The following CDH13 variants were observed in gnomAD, a reference collection of about 807,000 sequenced individuals.
The protein encoded by CDH13 is cadherin 13, also known as cadherin-13.
A neutral mutation model predicts 63.8 loss-of-function variants in CDH13; 24 were observed. The ratio of observed to expected loss-of-function variants is 0.38; its 90% CI spans 0.27 to 0.53. CDH13 has a LOEUF of 0.53. CDH13 is among the 20% of genes least tolerant of loss of function. CDH13 has a pLI of 0.85. For missense variants in CDH13, 1,049 were observed against 903.1 expected (o/e 1.16, Z -2.07); for synonymous variants, 503 against 355.3 (o/e 1.42, Z -4.67).
chr16:83,789,902 C>T (rs1916147370), intron 13 of CDH13: 1 of 152,126 alleles, frequency 6.6e-6, no homozygotes, highest in East Asian at 1.9e-4. Context: ...CAGTAGCTGC[C>T]ACCGAGACCA....
chr16:82,848,466 G>T (rs1314401782), intron 1 of CDH13, among the ~76,000 whole-genome samples: 1 of 152,076 alleles, frequency 6.6e-6, no homozygotes, highest in South Asian at 2.1e-4. Context: ...TTGTGTCTCT[G>T]TCTCATGTTT....
At chr16:83,292,950 C>T (rs552086433) in intron 5 of CDH13, among the ~76,000 whole-genome samples, 1 of 152,200 alleles carries the variant, frequency 6.6e-6, no homozygotes, top group Non-Finnish European at 1.5e-5. Flanking sequence ...ATACTCGATT[C>T]CATGGTTTCT....
chr16:83,523,000 C>T (rs1267803709), intron 7 of CDH13, among the ~76,000 whole-genome samples: 2 of 152,226 alleles, frequency 1.3e-5, no homozygotes, highest in African/African-American at 4.8e-5. Context: ...ATGTCCTCAC[C>T]TGGCTGAATT....
chr16:82,848,536 G>A (rs2039356390), intron 1 of CDH13, among the ~76,000 whole-genome samples: 1 of 150,052 alleles, frequency 6.7e-6, no homozygotes, highest in Non-Finnish European at 1.5e-5. Flanking sequence ...TTTTGGTGAT[G>A]TCTGATCAGT....
intron 4 of CDH13, among the ~76,000 whole-genome samples, chr16:83,164,603 C>G (rs1032242147): frequency 4.9e-4 from 74 of 151,878 alleles, no homozygotes; most frequent in African/African-American, 1.7e-3. Context: ...GCCTGCAATC[C>G]CAGCTACTCA....
intron 4 of CDH13, among the ~76,000 whole-genome samples, chr16:83,169,598 C>G (rs1266379816): frequency 6.6e-6 from 1 of 151,662 alleles, no homozygotes; most frequent in African/African-American, 2.4e-5. Context: ...GAAGCAGCTG[C>G]CTGTTCAAGC....
chr16:83,795,494 T>C lies in CDH13; in HGVS notation c.*464T>C, dbSNP rs900525635. 1 of 160,690 alleles carries C rather than the reference T, an allele frequency of 6.2e-6. No homozygotes were observed. Among genetic ancestry groups the C allele is most frequent in the African/African-American group, 2.4e-5 (1 of 41,448 alleles). 10.0% of individuals were successfully genotyped at this position (160,690 alleles called of 1,614,324 possible). The stretch of plus-strand genomic sequence containing the variant: ...TCCTTGCAAGGTTAAGCAAGGTGGG[T>C]GGAAACTAAGACACCTGAACCCTCC... On this transcript the variant is annotated 3_prime_UTR_variant, in exon 14 of 14. Transcript: ENST00000567109.
At chr16:82,912,413 A>G (rs1399060520) in intron 2 of CDH13, among the ~76,000 whole-genome samples, 2 of 152,172 alleles carry the variant, frequency 1.3e-5, no homozygotes, top group African/African-American at 4.8e-5. Context: ...TAATCATGAC[A>G]TAAATGTAGG....
intron 3 of CDH13, among the ~76,000 whole-genome samples, chr16:83,037,679 A>G (rs2151482967): frequency 6.6e-6 from 1 of 152,266 alleles, no homozygotes; most frequent in Non-Finnish European, 1.5e-5. Flanking sequence ...GTCAATGGAC[A>G]ATGTGGGACT....
chr16:83,678,114 C>T (rs1032741828), intron 9 of CDH13, 94 bp from the exon 10 acceptor site: 4 of 1,342,574 alleles, frequency 3.0e-6, no homozygotes, highest in South Asian at 1.4e-5. Flanking sequence ...CCTGAAGGCC[C>T]ACTGTTGCTC....
intron 5 of CDH13, among the ~76,000 whole-genome samples, chr16:83,293,268 T>G (rs1055992374): frequency 6.6e-6 from 1 of 152,218 alleles, no homozygotes; most frequent in Admixed American, 6.5e-5. Context: ...TTATTTTTAA[T>G]AGTAAGCATT....
At chr16:82,988,681 G>T (rs1911265257) in intron 2 of CDH13, among the ~76,000 whole-genome samples, 1 of 151,386 alleles carries the variant, frequency 6.6e-6, no homozygotes, top group Non-Finnish European at 1.5e-5. Flanking sequence ...AGAATTGCTT[G>T]AACCCGGCTG....
At chr16:82,889,186 A>C (rs944279797) in intron 2 of CDH13, among the ~76,000 whole-genome samples, 2 of 152,142 alleles carry the variant, frequency 1.3e-5, no homozygotes, top group Non-Finnish European at 2.9e-5. Flanking sequence ...TACCCCCTTG[A>C]ATGTTTTAAA....
At chr16:83,707,855 A>AAAAAAAAAAAAAAAAAAAAC (rs1567535306) in intron 10 of CDH13, among the ~76,000 whole-genome samples, 1 of 147,364 alleles carries the variant, frequency 6.8e-6, no homozygotes, top group Non-Finnish European at 1.5e-5. Context: ...AAAAAAAAAA[A>AAAAAAAAAAAAAAAAAAAAC]AAAGAGCTGG....
chr16:82,791,879 G>C (rs971602277), intron 1 of CDH13, among the ~76,000 whole-genome samples: 1 of 152,178 alleles, frequency 6.6e-6, no homozygotes, highest in Non-Finnish European at 1.5e-5. Flanking sequence ...TGGAATTCAT[G>C]AGGCCAAGAT....
chr16:83,653,543 A>G (rs921108351), intron 8 of CDH13, among the ~76,000 whole-genome samples: 5 of 152,168 alleles, frequency 3.3e-5, no homozygotes, highest in African/African-American at 1.2e-4. Context: ...TAAAATATAT[A>G]GAGCTCCTAG....
intron 2 of CDH13, among the ~76,000 whole-genome samples, chr16:82,984,600 A>G (rs958352011): frequency 2.0e-5 from 3 of 152,168 alleles, no homozygotes; most frequent in Admixed American, 6.5e-5. Context: ...ATTTCAACTC[A>G]TGTATTAGCT....
chr16:82,946,423 C>A (rs990954754), intron 2 of CDH13, among the ~76,000 whole-genome samples: 2 of 152,088 alleles, frequency 1.3e-5, no homozygotes, highest in Admixed American at 1.3e-4. Context: ...TAAAATTAAG[C>A]TTAATCTTCA....
At chr16:82,672,784 CACACACACACACACACAT>C (rs1315774032) in intron 1 of CDH13, among the ~76,000 whole-genome samples, 9 of 149,018 alleles carry the variant, frequency 6.0e-5, no homozygotes, top group African/African-American at 2.5e-5. Flanking sequence ...CACACACACA[CACACACACACACACACAT>C]ACACACACAC....
Sources: allele counts gnomAD v4.1 joint callset (sites outside exome capture counted in the v4.1 genomes callset), GRCh38; gene constraint gnomAD v4.1.1; transcripts MANE v1.5; gene names NCBI Gene and HGNC (gene_info 2026-07-23, HGNC 2026-07-21).